Variants in MON1B observed in about 807,000 individuals in gnomAD.
The protein encoded by MON1B is MON1 vesicular trafficking associated B, also known as vacuolar fusion protein MON1 homolog B.
MON1B carries 26 observed loss-of-function variants against 45.1 expected under a neutral mutation model. The ratio of observed to expected loss-of-function variants is 0.58; its 90% CI spans 0.42 to 0.80. The LOEUF (loss-of-function observed/expected upper bound fraction) is 0.80. Ranked by LOEUF, MON1B falls within the 30% of genes least tolerant of loss-of-function variation. The pLI is 0.00. For missense variants in MON1B, 737 were observed against 754.5 expected, an observed-to-expected ratio of 0.98 and a Z score of 0.27; for synonymous variants, 395 against 320.2, an observed-to-expected ratio of 1.23 and a Z score of -2.49.
At chr16:77,197,450 C>T (rs545369529) in intron 5 of MON1B, among the ~76,000 whole-genome samples, 1 of 152,072 alleles carries the variant, frequency 6.6e-6, no homozygotes, top group Non-Finnish European at 1.5e-5. Flanking sequence ...AATTTTAAAC[C>T]AAGTGATCAG....
In MON1B at chr16:77,199,212, C is replaced by G; in HGVS notation, c.*904C>G. 1.9e-6 allele frequency: 1 copy of G among 523,714 alleles called. No homozygotes were observed. Among genetic ancestry groups the G allele is most frequent in the Non-Finnish European group, 3.4e-6 (1 of 293,388 alleles). 32.4% of individuals were successfully genotyped at this position (523,714 alleles called of 1,614,324 possible). A position where few individuals can be genotyped will look rare whatever the true frequency, so the allele number is the denominator to read the frequency against. On this transcript the variant is annotated 3_prime_UTR_variant, in exon 6 of 6. Coordinates refer to ENST00000248248, the MANE Select transcript of MON1B (RefSeq NM_014940.4). ...TGTGTGTGCACACTACCCTCACTCCCCAACTGGCCATTACCCTAGTTCTGC... is the reference window on the plus strand; with the variant it reads ...TGTGTGTGCACACTACCCTCACTCCGCAACTGGCCATTACCCTAGTTCTGC...
rs1314103351 is a variant in MON1B, at chr16:77,201,152, C to T, written c.*2844C>T. ...GCCTGCTTGGTGTAAAGTAAGTGCT[C>T]AGTAATTTTTTAATGTGTGACCAAT... On this transcript the variant is annotated 3_prime_UTR_variant, in exon 6 of 6. Transcript: ENST00000248248. 6.6e-6 allele frequency: 1 copy of T among 152,110 alleles called. No individual in the cohort carries two copies. The highest frequency in any genetic ancestry group is 2.4e-5 in the African/African-American group (1 of 41,400). The allele number at this position is 152,110 out of a possible 1,614,324, so 9.4% of individuals were successfully genotyped here.
rs561156986 is a variant in MON1B, at chr16:77,200,342, C to T, written c.*2034C>T. 1.4e-5 allele frequency: 2 copies of T among 147,626 alleles called. No individual in the cohort carries two copies. The highest frequency in any genetic ancestry group is 5.0e-5 in the African/African-American group (2 of 40,024). The allele number at this position is 147,626 out of a possible 1,614,324, so 9.1% of individuals were successfully genotyped here. A position where few individuals can be genotyped will look rare whatever the true frequency, so the allele number is the denominator to read the frequency against. ...TGGTGTGGGCCTGTAATCGCAGCTA[C>T]TCAGGAAGCTGAGGCAGGAGAATCA... On this transcript the variant is annotated 3_prime_UTR_variant, in exon 6 of 6. Coordinates refer to ENST00000248248, the MANE Select transcript of MON1B (RefSeq NM_014940.4).
Position 77,193,334 on chromosome 16 carries a change from G to A in MON1B, c.149-117G>A. The A allele has an allele frequency of 1.0e-6, 1 of 997,534 alleles. No individual in the cohort carries two copies. 61.8% of individuals were successfully genotyped at this position (997,534 alleles called of 1,614,324 possible). On this transcript the variant is annotated intron_variant, in intron 2 of 5. Coordinates refer to ENST00000248248, the MANE Select transcript of MON1B (RefSeq NM_014940.4). This position sits in a 1 kb window ranked among gnomAD's most constrained non-coding sequence, Gnocchi z 5.0. ...TTGAGGGGCATAGGAGACACTTGGA[G>A]TTCTGCGTCAGCATGCAGGGGTCAT...
At chr16:77,192,249 C>A (rs1164542764) in intron 2 of MON1B, among the ~76,000 whole-genome samples, 1 of 152,070 alleles carries the variant, frequency 6.6e-6, no homozygotes. Flanking sequence ...GTGGACCTCA[C>A]TGAGAATAAA....
At position 77,199,616 on chromosome 16, in the gene MON1B, TAAATA is replaced by T. The variant is rs1294865265; in HGVS notation, c.*1313_*1317del. The T allele has an allele frequency of 1.5e-5, 15 of 997,708 alleles. No individual in the cohort carries two copies. The highest frequency in any genetic ancestry group is 3.2e-5 in the South Asian group (2 of 61,566). The allele number at this position is 997,708 out of a possible 1,614,324, so 61.8% of individuals were successfully genotyped here. ...TGAAATAATGATATTCTAATTTTTT[TAAATA>T]AAATGTTAAGCCTTTTGTTATTGAA... On this transcript the variant is annotated 3_prime_UTR_variant, in exon 6 of 6. Coordinates refer to ENST00000248248, the MANE Select transcript of MON1B (RefSeq NM_014940.4).
intron 2 of MON1B, among the ~76,000 whole-genome samples, chr16:77,192,311 A>G (rs1208233705): frequency 6.6e-6 from 1 of 152,202 alleles, no homozygotes; most frequent in Non-Finnish European, 1.5e-5. Context: ...AAGAGCAGTT[A>G]TTAGGAGGGA....
Position 77,193,574 on chromosome 16 carries a change from G to A in MON1B, c.272G>A (p.Ser91Asn). The A allele has an allele frequency of 6.2e-7, 1 of 1,614,062 alleles. No individual in the cohort carries two copies. The highest frequency in any genetic ancestry group is 1.1e-5 in the South Asian group (1 of 91,086). Residue 91 changes from serine to asparagine, a missense_variant, in exon 3 of 6, where the codon AGT (serine) becomes AAT (asparagine). Physicochemically the swap from Ser to Asn is conservative, Grantham distance 46. Transcript: ENST00000248248. The surrounding 1 kb of genome is among the most constrained non-coding windows in gnomAD (Gnocchi z 5.0). ...PENSPTCSPE[S>N]SSGGQGGDPS... Reference sequence around the variant, plus strand: ...AATAGTCCCACATGTAGCCCTGAGAGTAGCTCTGGAGGCCAGGGCGGGGAC... The same window carrying A: ...AATAGTCCCACATGTAGCCCTGAGAATAGCTCTGGAGGCCAGGGCGGGGAC...
chr16:77,200,883 G>GC lies in MON1B; in HGVS notation c.*2578dup, dbSNP rs1452940628. The GC allele has an allele frequency of 6.6e-6, 1 of 151,664 alleles. No individual in the cohort carries two copies. The allele number at this position is 151,664 out of a possible 1,614,324, so 9.4% of individuals were successfully genotyped here. ...CGTAGAGAAAATAGCTTTAAACAAA[G>GC]CCCATGTGTACCTATCAGTATGCTT... On this transcript the variant is annotated 3_prime_UTR_variant, in exon 6 of 6. Transcript: ENST00000248248.
At position 77,198,233 on chromosome 16, in the gene MON1B, C is replaced by A; in HGVS notation, c.1569C>A (p.Tyr523Ter). The change falls in exon 6 of 6, where the codon TAC becomes TAA. Residue 523 changes from tyrosine (Y) to a stop codon, truncating the protein, a stop_gained. Coordinates refer to ENST00000248248, the MANE Select transcript of MON1B (RefSeq NM_014940.4). LOFTEE classifies it high-confidence loss of function. ...KKEEDRLFIR[Y>*]PPKYSTPPAT... ...AGGAGGACCGGCTCTTCATTCGTTA[C>A]CCACCCAAGTACTCCACACCACCAG... 1 of 1,614,170 alleles carries A rather than the reference C, an allele frequency of 6.2e-7. No homozygotes were observed. Among genetic ancestry groups the A allele is most frequent in the Non-Finnish European group, 8.5e-7 (1 of 1,180,032 alleles).
intron 5 of MON1B, among the ~76,000 whole-genome samples, chr16:77,196,255 G>T (rs959158192): frequency 6.6e-6 from 1 of 150,438 alleles, no homozygotes; most frequent in African/African-American, 2.5e-5. Context: ...TTGCGTGACT[G>T]CTGTGGATCA....
Position 77,194,550 on chromosome 16 carries a change from C to A in MON1B, c.691C>A (p.Arg231=). ...LLAGSERTLD[R]LLDSMEQDPG... is the part of the protein sequence containing the mutation. ...GGCTGGTTCAGAGCGCACACTGGAC[C>A]GACTTCTGGACAGTATGGAGCAGGA... Residue 231 remains arginine (R), a synonymous_variant, in exon 4 of 6, where the codon CGA becomes AGA. Coordinates refer to ENST00000248248, the MANE Select transcript of MON1B (RefSeq NM_014940.4). This position sits in a 1 kb window ranked among gnomAD's most constrained non-coding sequence, Gnocchi z 8.1. 1 of 1,614,004 alleles carries A rather than the reference C, an allele frequency of 6.2e-7. No individual in the cohort carries two copies. Among genetic ancestry groups the A allele is most frequent in the Admixed American group, 1.7e-5 (1 of 60,026 alleles).
chr16:77,199,496 T>TGCTGTGG lies in MON1B; in HGVS notation c.*1188_*1189insGCTGTGG. 1 of 1,551,454 alleles carries TGCTGTGG rather than the reference T, an allele frequency of 6.4e-7. No homozygotes were observed. On this transcript the variant is annotated 3_prime_UTR_variant, in exon 6 of 6. Transcript: ENST00000248248. ...CTCTGAATGTGGAGGCGCCAGAAGC[T>TGCTGTGG]ACTGAGGAGGCTGAAGGTAGTGAGG...
rs11544783 is a variant in MON1B, at chr16:77,199,548, C to T, written c.*1240C>T. 43,295 of 1,477,078 alleles carry T rather than the reference C, an allele frequency of 0.029. 741 individuals are homozygous for T. The highest frequency in any genetic ancestry group is 0.046 in the African/African-American group (3,312 of 71,404). The allele number at this position is 1,477,078 out of a possible 1,614,324, so 91.5% of individuals were successfully genotyped here. A position where few individuals can be genotyped will look rare whatever the true frequency, so the allele number is the denominator to read the frequency against. Reference sequence around the variant, plus strand: ...CAAGTGGGCTGCACTCCTTTCTCTCCAACCAGGGCAGAAAGGAGGGAGGAT... The same window carrying T: ...CAAGTGGGCTGCACTCCTTTCTCTCTAACCAGGGCAGAAAGGAGGGAGGAT... On this transcript the variant is annotated 3_prime_UTR_variant, in exon 6 of 6. Coordinates refer to ENST00000248248, the MANE Select transcript of MON1B (RefSeq NM_014940.4).
chr16:77,194,744 C>T lies in MON1B; in HGVS notation c.885C>T (p.Ala295=), dbSNP rs368542386. Residue 295 remains alanine, a synonymous_variant, in exon 4 of 6, where the codon GCC becomes GCT. Transcript: ENST00000248248. This position sits in a 1 kb window ranked among gnomAD's most constrained non-coding sequence, Gnocchi z 8.1. ...ITAAQERNVL[A]ECRLDPADLQ... ...CAGCCCAGGAGCGAAATGTGCTGGC[C>T]GAGTGCCGGCTGGACCCAGCTGACC... 6 of 1,613,682 alleles carry T rather than the reference C, an allele frequency of 3.7e-6. No individual in the cohort carries two copies. The African/African-American group carries it at 4.0e-5, about 11-fold the overall frequency.
In MON1B at chr16:77,191,590, C is replaced by G; in HGVS notation, c.105C>G (p.His35Gln). Residue 35 changes from histidine to glutamine, a missense_variant, in exon 2 of 6, where the codon CAC (histidine) becomes CAG (glutamine). Transcript: ENST00000248248. ...SEEAREGGGV[H>Q]AVPPDPEDEG... is the part of the protein sequence containing the mutation. ...AAGCTAGAGAAGGTGGAGGGGTTCA[C>G]GCGGTCCCGCCGGATCCCGAAGACG... is the stretch of plus-strand genomic sequence containing the variant. 1 of 1,610,282 alleles carries G rather than the reference C, an allele frequency of 6.2e-7. No individual in the cohort carries two copies. The highest frequency in any genetic ancestry group is 2.2e-5 in the East Asian group (1 of 44,812).
chr16:77,201,250 A>T lies in MON1B; in HGVS notation c.*2942A>T, dbSNP rs2054739315. 6.6e-6 allele frequency: 1 copy of T among 152,260 alleles called. No individual in the cohort carries two copies. The highest frequency in any genetic ancestry group is 1.5e-5 in the Non-Finnish European group (1 of 68,046). The allele number at this position is 152,260 out of a possible 1,614,324, so 9.4% of individuals were successfully genotyped here. On this transcript the variant is annotated 3_prime_UTR_variant, in exon 6 of 6. Transcript: ENST00000248248. Reference sequence around the variant, plus strand: ...TAAGTGCCAGCATTCAACAAAAGACAGACGGAAATAAGACAGATGCAAATA... The same window carrying T: ...TAAGTGCCAGCATTCAACAAAAGACTGACGGAAATAAGACAGATGCAAATA...
chr16:77,202,064 T>A lies in MON1B; in HGVS notation c.*3756T>A, dbSNP rs2054749162. 6.6e-6 allele frequency: 1 copy of A among 152,174 alleles called. No individual in the cohort carries two copies. The allele number at this position is 152,174 out of a possible 1,614,324, so 9.4% of individuals were successfully genotyped here. The stretch of plus-strand genomic sequence containing the variant: ...TGTGATTTATTGTTCTATTTTTTCT[T>A]CTAGAAAAATGTAAGTAGTCATATA... On this transcript the variant is annotated 3_prime_UTR_variant, in exon 6 of 6. Transcript: ENST00000248248.
chr16:77,201,675 C>T lies in MON1B; in HGVS notation c.*3367C>T, dbSNP rs978879217. On this transcript the variant is annotated 3_prime_UTR_variant, in exon 6 of 6. Coordinates refer to ENST00000248248, the MANE Select transcript of MON1B (RefSeq NM_014940.4). ...CTGGAGTGTTGATGTAGGCACAACA[C>T]AAGAAGTAGTCACAGAAATTGCTAA... The T allele has an allele frequency of 6.6e-6, 1 of 151,970 alleles. No individual in the cohort carries two copies. The allele number at this position is 151,970 out of a possible 1,614,324, so 9.4% of individuals were successfully genotyped here. A position where few individuals can be genotyped will look rare whatever the true frequency, so the allele number is the denominator to read the frequency against.
Sources: allele counts gnomAD v4.1 joint callset (sites outside exome capture counted in the v4.1 genomes callset), GRCh38; gene constraint gnomAD v4.1.1; non-coding constraint Gnocchi (gnomAD v3.1); transcripts MANE v1.5; gene names NCBI Gene and HGNC (gene_info 2026-07-23, HGNC 2026-07-21).